MCU: variants seen among roughly 807,000 people sequenced by gnomAD.
MCU encodes calcium uniporter protein, mitochondrial.
A neutral mutation model predicts 45.2 loss-of-function variants in MCU; 12 were observed. That is an observed-to-expected ratio of 0.27 (90% CI 0.17 to 0.43). The LOEUF is 0.43. Among genes scored for constraint, MCU ranks in the 20% least tolerant of loss-of-function variants. The probability of loss-of-function intolerance (pLI) is 1.00; values close to 1 mark genes in which losing one functional copy is unlikely to be tolerated. For synonymous variants in MCU, 160 were observed against 165.1 expected, an observed-to-expected ratio of 0.97 and a Z score of 0.24; for missense variants, 324 against 436.7, an observed-to-expected ratio of 0.74 and a Z score of 2.30.
At chr10:72,879,185 C>A (rs980227690) in intron 6 of MCU, among the ~76,000 whole-genome samples, 1 of 152,152 alleles carries the variant, frequency 6.6e-6, no homozygotes, top group African/African-American at 2.4e-5. Context: ...ATCGCTTGAA[C>A]CTGAGAGACG....
intron 2 of MCU, among the ~76,000 whole-genome samples, chr10:72,838,707 C>G (rs1203877725): frequency 6.6e-6 from 1 of 152,062 alleles, no homozygotes; most frequent in African/African-American, 2.4e-5. Context: ...ACAAAAGATA[C>G]AAGATTTCCC....
chr10:72,760,516 A>G (rs1843639198), intron 1 of MCU: 1 of 151,824 alleles, frequency 6.6e-6, no homozygotes, highest in Non-Finnish European at 1.5e-5. Flanking sequence ...AAAAAACCCT[A>G]CGTCATAAAT....
chr10:72,763,520 TA>T (rs1263039374), intron 1 of MCU, among the ~76,000 whole-genome samples: 1 of 152,140 alleles, frequency 6.6e-6, no homozygotes, highest in African/African-American at 2.4e-5. Context: ...TTTTATTTTT[TA>T]AAGAATCACA....
intron 1 of MCU, among the ~76,000 whole-genome samples, chr10:72,703,067 A>T (rs551393255): frequency 1.1e-4 from 16 of 152,250 alleles, no homozygotes; most frequent in African/African-American, 3.9e-4. Flanking sequence ...CACCAATCTG[A>T]CATGACCTCA....
intron 1 of MCU, among the ~76,000 whole-genome samples, chr10:72,742,541 G>A (rs998237002): frequency 1.3e-5 from 2 of 151,996 alleles, no homozygotes; most frequent in Non-Finnish European, 2.9e-5. Context: ...TATAACCATC[G>A]TTTTCATGTG....
chr10:72,880,856 G>C (rs1013458270), intron 6 of MCU, among the ~76,000 whole-genome samples: 2 of 152,226 alleles, frequency 1.3e-5, no homozygotes, highest in African/African-American at 4.8e-5. Flanking sequence ...GGCCAGGCAT[G>C]ATGGGTCATG....
chr10:72,809,537 C>T (rs561195684), intron 1 of MCU, among the ~76,000 whole-genome samples: 28 of 152,156 alleles, frequency 1.8e-4, no homozygotes, highest in African/African-American at 6.5e-4. Flanking sequence ...TAATTGAAAT[C>T]GGAAACATTG....
intron 1 of MCU, among the ~76,000 whole-genome samples, chr10:72,795,832 T>TAA (rs1844234530): frequency 6.6e-6 from 1 of 152,032 alleles, no homozygotes; most frequent in Non-Finnish European, 1.5e-5. Flanking sequence ...ACCCTGTCTC[T>TAA]ACTAAGAATA....
intron 1 of MCU, among the ~76,000 whole-genome samples, chr10:72,806,700 CAG>C (rs1844457412): frequency 6.6e-6 from 1 of 152,138 alleles, no homozygotes; most frequent in Non-Finnish European, 1.5e-5. Context: ...TAAAATAAAG[CAG>C]AGTCTTGTGT....
intron 1 of MCU, among the ~76,000 whole-genome samples, chr10:72,767,515 T>C (rs1458598906): frequency 1.3e-5 from 2 of 152,092 alleles, no homozygotes; most frequent in Non-Finnish European, 2.9e-5. Flanking sequence ...TTTAACTGTG[T>C]TTTAATTTTT....
chr10:72,722,144 G>T (rs1467243040), intron 1 of MCU, among the ~76,000 whole-genome samples: 1 of 151,954 alleles, frequency 6.6e-6, no homozygotes, highest in African/African-American at 2.4e-5. Flanking sequence ...TTAACGTGTA[G>T]ATTAGTATAA....
At chr10:72,831,787 A>G (rs920776900) in intron 1 of MCU, among the ~76,000 whole-genome samples, 4 of 152,198 alleles carry the variant, frequency 2.6e-5, no homozygotes, top group Middle Eastern at 3.2e-3. Context: ...ACAGTATTCT[A>G]AGCAAAGGTA....
At chr10:72,763,545 G>A (rs774426776) in intron 1 of MCU, among the ~76,000 whole-genome samples, 1 of 152,150 alleles carries the variant, frequency 6.6e-6, no homozygotes, top group South Asian at 2.1e-4. Context: ...CAGTAAAAAT[G>A]TAGTATGAAA....
intron 1 of MCU, among the ~76,000 whole-genome samples, chr10:72,793,841 C>A (rs1844204548): frequency 6.6e-6 from 1 of 152,108 alleles, no homozygotes; most frequent in African/African-American, 2.4e-5. Context: ...ATTACTTCTT[C>A]CATATTTATG....
chr10:72,826,876 G>A (rs1337124215), intron 1 of MCU, among the ~76,000 whole-genome samples: 2 of 152,160 alleles, frequency 1.3e-5, no homozygotes, highest in Non-Finnish European at 2.9e-5. Context: ...CACCCAAGAC[G>A]TAAATCATCC....
chr10:72,840,609 T>C (rs1845033668), intron 2 of MCU, among the ~76,000 whole-genome samples: 1 of 152,106 alleles, frequency 6.6e-6, no homozygotes, highest in South Asian at 2.1e-4. Flanking sequence ...CATTCCAACT[T>C]TAAAAAGACT....
At chr10:72,876,593 C>T (rs1845618979) in intron 6 of MCU, among the ~76,000 whole-genome samples, 1 of 152,128 alleles carries the variant, frequency 6.6e-6, no homozygotes, top group African/African-American at 2.4e-5. Flanking sequence ...AGTAGTTATT[C>T]TAAGACTTCA....
At chr10:72,881,319 A>G (rs1845697557) in intron 6 of MCU, among the ~76,000 whole-genome samples, 2 of 152,188 alleles carry the variant, frequency 1.3e-5, no homozygotes, top group Non-Finnish European at 1.5e-5. Flanking sequence ...AGCTCCTATA[A>G]GAGAATATCT....
intron 1 of MCU, among the ~76,000 whole-genome samples, chr10:72,765,251 A>G (rs1207871442): frequency 6.6e-6 from 1 of 152,218 alleles, no homozygotes; most frequent in East Asian, 1.9e-4. Context: ...ATTAATTAAA[A>G]TAGTTTTGCC....
Sources: allele counts gnomAD v4.1 joint callset (sites outside exome capture counted in the v4.1 genomes callset), GRCh38; gene constraint gnomAD v4.1.1; transcripts MANE v1.5; gene names NCBI Gene and HGNC (gene_info 2026-07-23, HGNC 2026-07-21).